Variants in RABGAP1 observed in about 807,000 individuals in gnomAD.
RABGAP1 encodes the protein RAB GTPase activating protein 1.
In RABGAP1, 23 loss-of-function variants were observed where a neutral mutation model predicts 137.6. That is an observed-to-expected ratio of 0.17 (90% CI 0.12 to 0.24). RABGAP1 has a LOEUF of 0.24. Among genes scored for constraint, RABGAP1 ranks in the 10% least tolerant of loss-of-function variants. RABGAP1 has a pLI of 1.00. For synonymous variants in RABGAP1, 451 were observed against 450.7 expected (o/e 1.00, Z -0.01); for missense variants, 906 against 1,275.8 (o/e 0.71, Z 4.42).
intron 10 of RABGAP1, among the ~76,000 whole-genome samples, chr9:123,007,373 CTTTTT>C (rs1298703088): frequency 8.9e-6 from 1 of 112,768 alleles, no homozygotes; most frequent in Admixed American, 9.8e-5. Context: ...CTGAGCCTGG[CTTTTT>C]TTTTTTTTTT....
chr9:123,085,797 A>G (rs2034845518), intron 19 of RABGAP1, among the ~76,000 whole-genome samples: 1 of 152,352 alleles, frequency 6.6e-6, no homozygotes, highest in Non-Finnish European at 1.5e-5. Flanking sequence ...TCCTGCCCTC[A>G]TGGAGTTTGT....
upstream of RABGAP1, among the ~76,000 whole-genome samples, chr9:122,936,781 A>G (rs971540508): frequency 6.6e-6 from 1 of 152,174 alleles, no homozygotes; most frequent in Admixed American, 6.5e-5. Context: ...TACTCCATTT[A>G]TGAGTCAGAT....
At chr9:122,995,093 T>C (rs1836946185) in intron 6 of RABGAP1, among the ~76,000 whole-genome samples, 2 of 152,156 alleles carry the variant, frequency 1.3e-5, no homozygotes, top group African/African-American at 4.8e-5. Flanking sequence ...TGCTGCAACC[T>C]GGGTGACAGA....
chr9:122,955,392 A>C (rs1386266402), intron 1 of RABGAP1, among the ~76,000 whole-genome samples: 1 of 152,214 alleles, frequency 6.6e-6, no homozygotes, highest in Non-Finnish European at 1.5e-5. Flanking sequence ...GGATTAAGTG[A>C]ATCATTTTTC....
chr9:123,103,126 G>A lies in RABGAP1; in HGVS notation c.3123G>A (p.Glu1041=). Reference sequence around the variant, plus strand: ...ACCATTTAGGGCTTGCCCTCAATGAGGTGCAGGCAGCCAAGAAGACGTGGT... The same window carrying A: ...ACCATTTAGGGCTTGCCCTCAATGAAGTGCAGGCAGCCAAGAAGACGTGGT... The part of the protein sequence containing the change: ...LEHHLGLALN[E]VQAAKKTWFN... The change falls in exon 26 of 26, where the codon GAG becomes GAA. Residue 1041 remains glutamate, a synonymous_variant. Coordinates refer to ENST00000373647, the MANE Select transcript of RABGAP1 (RefSeq NM_012197.4). 2 of 1,614,132 alleles carry A rather than the reference G, an allele frequency of 1.2e-6. No individual in the cohort carries two copies. The highest frequency in any genetic ancestry group is 1.7e-6 in the Non-Finnish European group (2 of 1,179,996).
chr9:123,017,526 T>C (rs1023388490), intron 12 of RABGAP1, among the ~76,000 whole-genome samples: 1 of 152,202 alleles, frequency 6.6e-6, no homozygotes, highest in South Asian at 2.1e-4. Flanking sequence ...TGGATATGTG[T>C]TCTATGGGTA....
At chr9:122,965,400 T>G (rs1391904963) in intron 2 of RABGAP1, among the ~76,000 whole-genome samples, 2 of 152,156 alleles carry the variant, frequency 1.3e-5, no homozygotes, top group African/African-American at 4.8e-5. Context: ...AAAAAAATTT[T>G]TTTTGAGACG....
chr9:123,057,658 G>A lies in RABGAP1; in HGVS notation c.1795-7690G>A, dbSNP rs529995450. 2.4e-3 allele frequency among the ~76,000 whole-genome samples: 363 copies of A among 152,276 alleles called. 1 individual carries two copies. Among genetic ancestry groups the A allele is most frequent in the Admixed American group, 5.6e-3 (86 of 15,300 alleles). ...TCACTTCCCAGACAGGGTGGTGGCC[G>A]GGCAGAGGCTGCAATCTCGGCACTT... On this transcript the variant is annotated intron_variant, in intron 13 of 25. Coordinates refer to ENST00000373647, the MANE Select transcript of RABGAP1 (RefSeq NM_012197.4).
At chr9:123,079,345 T>G (rs571236408) in intron 19 of RABGAP1, among the ~76,000 whole-genome samples, 1 of 151,368 alleles carries the variant, frequency 6.6e-6, no homozygotes, top group African/African-American at 2.4e-5. Context: ...GTTCAAGTAA[T>G]TCTCCTGTTT....
chr9:123,040,588 G>A (rs547786448), intron 13 of RABGAP1, among the ~76,000 whole-genome samples: 2 of 152,218 alleles, frequency 1.3e-5, no homozygotes, highest in Non-Finnish European at 2.9e-5. Context: ...CTGCAAGCCT[G>A]CAACTCATTC....
chr9:123,100,361 G>A (rs955370705), intron 24 of RABGAP1, among the ~76,000 whole-genome samples: 5 of 150,766 alleles, frequency 3.3e-5, no homozygotes, highest in South Asian at 2.1e-4. Flanking sequence ...ACTGGCCTTC[G>A]TCATAATTAA....
chr9:123,079,488 C>T (rs1042057384), intron 19 of RABGAP1, among the ~76,000 whole-genome samples: 1 of 152,082 alleles, frequency 6.6e-6, no homozygotes, highest in African/African-American at 2.4e-5. Context: ...GTCCACCCCC[C>T]TCAGCCTCCC....
intron 4 of RABGAP1, among the ~76,000 whole-genome samples, chr9:122,988,602 T>G (rs1194439644): frequency 6.6e-6 from 1 of 152,058 alleles, no homozygotes; most frequent in Non-Finnish European, 1.5e-5. Context: ...ATCAGTTTTT[T>G]GTTTTTTATT....
Position 123,051,487 on chromosome 9 carries a change from T to A in RABGAP1, c.1795-13861T>A, listed in dbSNP as rs559725523. On this transcript the variant is annotated intron_variant, in intron 13 of 25. Coordinates refer to ENST00000373647, the MANE Select transcript of RABGAP1 (RefSeq NM_012197.4). Reference sequence around the variant, plus strand: ...GTCTCGAACTCCCGACCTTAGGTGATCTGCCCGCCTCGACCTCCCAAAGTG... The same window carrying A: ...GTCTCGAACTCCCGACCTTAGGTGAACTGCCCGCCTCGACCTCCCAAAGTG... 9.9e-5 allele frequency among the ~76,000 whole-genome samples: 15 copies of A among 151,766 alleles called. No homozygotes were observed. The South Asian group carries it at 2.9e-3, about 29-fold the overall frequency.
chr9:122,988,990 C>G (rs1251233226), intron 4 of RABGAP1, among the ~76,000 whole-genome samples: 1 of 148,168 alleles, frequency 6.7e-6, no homozygotes, highest in African/African-American at 2.5e-5. Context: ...TTTTGGTAGT[C>G]TAATTTACGT....
chr9:123,077,541 A>G (rs187749068), intron 19 of RABGAP1, among the ~76,000 whole-genome samples: 20 of 152,296 alleles, frequency 1.3e-4, no homozygotes, highest in African/African-American at 3.8e-4. Context: ...TTCAAGTGGC[A>G]TTTGTGATTC....
At chr9:123,042,335 A>C (rs192659984) in intron 13 of RABGAP1, among the ~76,000 whole-genome samples, 57 of 152,312 alleles carry the variant, frequency 3.7e-4, no homozygotes, top group Admixed American at 1.8e-3. Flanking sequence ...ATATTAACAG[A>C]CAGCCAGAGA....
chr9:123,035,145 G>T (rs1182256123), intron 13 of RABGAP1: 1 of 1,613,992 alleles, frequency 6.2e-7, no homozygotes, highest in African/African-American at 1.3e-5. Context: ...ACTTCACCCT[G>T]TTCATCGTGA....
At chr9:123,032,700 A>T (rs1430128963) in intron 13 of RABGAP1, among the ~76,000 whole-genome samples, 1 of 152,168 alleles carries the variant, frequency 6.6e-6, no homozygotes, top group Admixed American at 6.5e-5. Flanking sequence ...CTTTCAATTA[A>T]TCCTTCTAAA....
Sources: gnomAD v4.1 joint callset for allele counts (sites outside exome capture counted in the v4.1 genomes callset) on GRCh38, gnomAD v4.1.1 for gene constraint, MANE v1.5 for transcripts, NCBI Gene and HGNC (gene_info 2026-07-23, HGNC 2026-07-21) for gene names.